Variants in SV2C observed in about 807,000 individuals in gnomAD.
SV2C encodes the protein solute carrier family 22 member B3.
In SV2C, 49 loss-of-function variants were observed where a neutral mutation model predicts 79.7. The ratio of observed to expected loss-of-function variants is 0.61; its 90% CI spans 0.49 to 0.78. The LOEUF (loss-of-function observed/expected upper bound fraction) is 0.78, where lower values mean the gene tolerates loss of function less well. Ranked by LOEUF, SV2C falls within the 30% of genes least tolerant of loss-of-function variation. The pLI is 0.00. For missense variants in SV2C, 833 were observed against 912.9 expected (o/e 0.91, Z 1.13); for synonymous variants, 334 against 333.2 (o/e 1.00, Z -0.03).
At chr5:75,985,927 C>A in the SV2C span, among the ~76,000 whole-genome samples, 3 of 151,574 alleles carry the variant, frequency 2.0e-5, no homozygotes, top group Non-Finnish European at 4.4e-5. Flanking sequence ...AAATATTAAT[C>A]TGAATAATCT....
At chr5:76,302,816 T>C (rs1057054208) in intron 12 of SV2C, among the ~76,000 whole-genome samples, 2 of 151,810 alleles carry the variant, frequency 1.3e-5, no homozygotes, top group Admixed American at 1.3e-4. Context: ...GTACCACTCC[T>C]GTGCTATGTT....
chr5:75,942,315 A>T, the SV2C span, among the ~76,000 whole-genome samples: 1 of 152,218 alleles, frequency 6.6e-6, no homozygotes, highest in African/African-American at 2.4e-5. Flanking sequence ...TCCTCTAGAA[A>T]ATTAATTGAA....
At chr5:76,097,053 A>G (rs1747589373) in intron 1 of SV2C, among the ~76,000 whole-genome samples, 1 of 152,074 alleles carries the variant, frequency 6.6e-6, no homozygotes, top group South Asian at 2.1e-4. Context: ...CCTACCTCTT[A>G]ACCCTAGACT....
At chr5:76,247,417 T>C (rs992494768) in intron 4 of SV2C, among the ~76,000 whole-genome samples, 1 of 152,254 alleles carries the variant, frequency 6.6e-6, no homozygotes, top group African/African-American at 2.4e-5. Context: ...TAAAACCAAC[T>C]TTCCCTTTCC....
intron 10 of SV2C, among the ~76,000 whole-genome samples, 159 bp downstream of exon 10, chr5:76,299,086 T>C (rs1321068989): frequency 6.6e-6 from 1 of 152,222 alleles, no homozygotes; most frequent in Non-Finnish European, 1.5e-5. Flanking sequence ...GGTTGGCTTG[T>C]ATTGTTTGTC....
the SV2C span, among the ~76,000 whole-genome samples, chr5:75,966,712 G>A: frequency 6.6e-6 from 1 of 152,202 alleles, no homozygotes; most frequent in South Asian, 2.1e-4. Context: ...TCTGCAAGGA[G>A]CAATCACTCT....
intron 1 of SV2C, among the ~76,000 whole-genome samples, chr5:76,123,908 C>T (rs1247386670): frequency 6.6e-6 from 1 of 152,180 alleles, no homozygotes; most frequent in Admixed American, 6.6e-5. Context: ...AGACAATAGA[C>T]TTCAACTCCA....
rs552152143 is a variant in SV2C at position 76,320,244 on chromosome 5, G to A, written c.2001-5120G>A. Among the ~76,000 whole-genome samples, 29 of 150,692 alleles carry A rather than the reference G, an allele frequency of 1.9e-4. No individual in the cohort carries two copies. The South Asian group carries it at 5.2e-3, about 27-fold the overall frequency. ...ACTCTGTGACATCCTGGAAAAGGCA[G>A]AACTATGGAAACAGTAAAAAGATTG... On this transcript the variant is annotated intron_variant, in intron 12 of 12. Coordinates refer to ENST00000502798, the MANE Select transcript of SV2C (RefSeq NM_014979.4).
chr5:75,877,069 G>A, the SV2C span, among the ~76,000 whole-genome samples: 1 of 151,892 alleles, frequency 6.6e-6, no homozygotes, highest in East Asian at 1.9e-4. Flanking sequence ...TAGATCGAAA[G>A]ATACAATAGA....
the SV2C span, among the ~76,000 whole-genome samples, chr5:76,001,475 A>C: frequency 1.3e-5 from 2 of 151,748 alleles, no homozygotes; most frequent in African/African-American, 4.8e-5. Flanking sequence ...GGTGGTGGGC[A>C]CCTGTGGTCC....
At chr5:75,933,653 G>T in the SV2C span, among the ~76,000 whole-genome samples, 1 of 152,178 alleles carries the variant, frequency 6.6e-6, no homozygotes, top group African/African-American at 2.4e-5. Flanking sequence ...TTTGACACAG[G>T]CAAGTAAGTA....
At chr5:76,045,278 G>T in the SV2C span, among the ~76,000 whole-genome samples, 1 of 150,824 alleles carries the variant, frequency 6.6e-6, no homozygotes, top group Non-Finnish European at 1.5e-5. Context: ...CTATGTGTCT[G>T]TTTTTCTACC....
intron 12 of SV2C, among the ~76,000 whole-genome samples, chr5:76,303,209 T>C (rs992813674): frequency 5.9e-5 from 9 of 152,206 alleles, no homozygotes; most frequent in Non-Finnish European, 2.9e-5. Context: ...CCATACAATC[T>C]TTGTACGGCA....
At chr5:75,920,552 A>G in the SV2C span, 1 of 480,008 alleles carries the variant, frequency 2.1e-6, no homozygotes, top group African/African-American at 2.0e-5. Context: ...TTGGAATAAG[A>G]AGCCATGGCT....
At chr5:76,065,357 G>A in the SV2C span, among the ~76,000 whole-genome samples, 2 of 152,116 alleles carry the variant, frequency 1.3e-5, no homozygotes, top group Non-Finnish European at 2.9e-5. Context: ...GAGGCCAGAA[G>A]TCTAAATATC....
chr5:76,016,173 G>A, the SV2C span, among the ~76,000 whole-genome samples: 1 of 145,762 alleles, frequency 6.9e-6, no homozygotes, highest in East Asian at 2.1e-4. Context: ...GGAAGCACAA[G>A]GTTGCCAGCC....
chr5:76,176,117 C>T (rs1210761034), intron 2 of SV2C, among the ~76,000 whole-genome samples: 2 of 152,172 alleles, frequency 1.3e-5, no homozygotes, highest in Admixed American at 6.5e-5. Flanking sequence ...CCCTCACCCC[C>T]CACCCCAACA....
chr5:76,245,658 C>A (rs1745921985), intron 4 of SV2C, among the ~76,000 whole-genome samples: 1 of 152,250 alleles, frequency 6.6e-6, no homozygotes, highest in Admixed American at 6.5e-5. Context: ...TGAGGTTCTT[C>A]TAGTTACTGC....
chr5:75,877,556 T>C, the SV2C span, among the ~76,000 whole-genome samples: 1 of 149,798 alleles, frequency 6.7e-6, no homozygotes, highest in Admixed American at 6.6e-5. Context: ...CAATACAAAG[T>C]ATATTATCTG....
Sources: allele counts gnomAD v4.1 joint callset (sites outside exome capture counted in the v4.1 genomes callset), GRCh38; gene constraint gnomAD v4.1.1; transcripts MANE v1.5; gene names NCBI Gene and HGNC (gene_info 2026-07-23, HGNC 2026-07-21).